Variants in NSMCE2 observed in about 807,000 individuals in gnomAD.
NSMCE2 encodes the protein E3 SUMO-protein ligase NSE2.
Under a neutral mutation model 23.8 loss-of-function variants are expected in NSMCE2, and 24 were observed. The observed-to-expected ratio is 1.01, with a 90% CI of 0.73 to 1.42. The LOEUF (loss-of-function observed/expected upper bound fraction) is 1.42, where lower values mean the gene tolerates loss of function less well. Among genes scored for constraint, NSMCE2 ranks in the 40% most tolerant of loss-of-function variants. The pLI, the probability that NSMCE2 is intolerant of heterozygous loss-of-function variation, is 0.00. For synonymous variants in NSMCE2, 92 were observed against 94.1 expected (o/e 0.98, Z 0.13); for missense variants, 284 against 296.5 (o/e 0.96, Z 0.31).
chr8:125,097,942 G>T (rs1310816055), intron 1 of NSMCE2, among the ~76,000 whole-genome samples: 2 of 152,066 alleles, frequency 1.3e-5, no homozygotes, highest in Non-Finnish European at 2.9e-5. Context: ...AACCCTTCCT[G>T]CTTTTTTCTG....
chr8:125,219,436 G>C (rs937699855), intron 5 of NSMCE2, among the ~76,000 whole-genome samples: 1 of 152,172 alleles, frequency 6.6e-6, no homozygotes, highest in Non-Finnish European at 1.5e-5. Flanking sequence ...AATAGCTTAA[G>C]TGTGATTCAC....
At chr8:125,277,140 G>A (rs1827480485) in intron 5 of NSMCE2, among the ~76,000 whole-genome samples, 1 of 152,308 alleles carries the variant, frequency 6.6e-6, no homozygotes, top group East Asian at 1.9e-4. Flanking sequence ...TCCTCTGCCA[G>A]TAACACACAA....
intron 5 of NSMCE2, among the ~76,000 whole-genome samples, chr8:125,330,801 C>T (rs1330015196): frequency 6.6e-6 from 1 of 152,152 alleles, no homozygotes; most frequent in Non-Finnish European, 1.5e-5. Flanking sequence ...CCCACAAGCA[C>T]GTGGCCTGGA....
chr8:125,338,006 G>C (rs903861085), intron 5 of NSMCE2, among the ~76,000 whole-genome samples: 3 of 151,854 alleles, frequency 2.0e-5, no homozygotes, highest in African/African-American at 7.3e-5. Flanking sequence ...ATAAAATGTT[G>C]ATAATGATTG....
At chr8:125,316,682 CTTAT>C (rs1829202841) in intron 5 of NSMCE2, among the ~76,000 whole-genome samples, 1 of 136,576 alleles carries the variant, frequency 7.3e-6, no homozygotes, top group Admixed American at 7.9e-5. Flanking sequence ...TTCCTTCCTT[CTTAT>C]CTTCCTTCTT....
At chr8:125,275,032 AAT>A (rs1827394273) in intron 5 of NSMCE2, among the ~76,000 whole-genome samples, 1 of 124,250 alleles carries the variant, frequency 8.0e-6, no homozygotes, top group South Asian at 2.5e-4. Context: ...TAATAATAAT[AAT>A]AAATAGAATA....
At chr8:125,232,461 G>A (rs1242697169) in intron 5 of NSMCE2, among the ~76,000 whole-genome samples, 3 of 152,108 alleles carry the variant, frequency 2.0e-5, no homozygotes, top group African/African-American at 7.2e-5. Context: ...GAGCAAATAA[G>A]CTTCAGGTGC....
intron 3 of NSMCE2, among the ~76,000 whole-genome samples, chr8:125,129,125 C>T (rs889332377): frequency 1.3e-5 from 2 of 152,222 alleles, no homozygotes; most frequent in South Asian, 4.1e-4. Flanking sequence ...AAAGCCTATA[C>T]ATGAAAATTG....
chr8:125,319,056 C>T (rs1024509201), intron 5 of NSMCE2, among the ~76,000 whole-genome samples: 1 of 152,132 alleles, frequency 6.6e-6, no homozygotes, highest in Admixed American at 6.5e-5. Context: ...GCCTGGAACT[C>T]ACACAGGGAT....
At chr8:125,146,030 G>T (rs549389981) in intron 3 of NSMCE2, among the ~76,000 whole-genome samples, 2 of 152,190 alleles carry the variant, frequency 1.3e-5, no homozygotes, top group East Asian at 3.9e-4. Context: ...TTTTCTTTTT[G>T]TTATCAGATT....
At chr8:125,187,393 A>G (rs1276470997) in intron 5 of NSMCE2, among the ~76,000 whole-genome samples, 3 of 152,236 alleles carry the variant, frequency 2.0e-5, no homozygotes, top group Non-Finnish European at 4.4e-5. Context: ...ATGAAACAAT[A>G]TGATTCGGTT....
chr8:125,283,376 C>T (rs542576551), intron 5 of NSMCE2, among the ~76,000 whole-genome samples: 335 of 152,136 alleles, frequency 2.2e-3, no homozygotes, highest in African/African-American at 7.7e-3. Context: ...GACGAAACCC[C>T]GCATATACAA....
chr8:125,127,563 C>G (rs532573964), intron 3 of NSMCE2, among the ~76,000 whole-genome samples: 15 of 152,210 alleles, frequency 9.9e-5, no homozygotes, highest in African/African-American at 3.4e-4. Context: ...ATGGAAGATG[C>G]AGTTTTTGTT....
intron 4 of NSMCE2, among the ~76,000 whole-genome samples, chr8:125,171,147 C>T (rs932112825): frequency 2.0e-5 from 3 of 152,174 alleles, no homozygotes; most frequent in African/African-American, 7.2e-5. Flanking sequence ...GACCGTCCAT[C>T]ACAGAAGAGC....
chr8:125,195,553 A>G (rs1455858835), intron 5 of NSMCE2, among the ~76,000 whole-genome samples: 2 of 152,168 alleles, frequency 1.3e-5, no homozygotes, highest in East Asian at 1.9e-4. Flanking sequence ...TCATTTACCC[A>G]TATCTCAGAG....
At chr8:125,160,714 C>T (rs746584602) in intron 4 of NSMCE2, among the ~76,000 whole-genome samples, 3 of 152,164 alleles carry the variant, frequency 2.0e-5, no homozygotes, top group African/African-American at 7.2e-5. Flanking sequence ...AACAAGTAAA[C>T]ATTCACAGTT....
intron 3 of NSMCE2, among the ~76,000 whole-genome samples, chr8:125,105,997 G>T (rs1166334121): frequency 1.3e-5 from 2 of 151,722 alleles, no homozygotes; most frequent in Non-Finnish European, 2.9e-5. Flanking sequence ...CAGGAGCCTG[G>T]ACTTCTTATG....
At chr8:125,199,451 C>T (rs1325928343) in intron 5 of NSMCE2, among the ~76,000 whole-genome samples, 2 of 152,152 alleles carry the variant, frequency 1.3e-5, no homozygotes, top group African/African-American at 4.8e-5. Flanking sequence ...AGTAGTCATT[C>T]AGGAGCAAGT....
At chr8:125,190,995 C>T (rs560974832) in intron 5 of NSMCE2, among the ~76,000 whole-genome samples, 12 of 152,150 alleles carry the variant, frequency 7.9e-5, no homozygotes, top group Non-Finnish European at 1.3e-4. Flanking sequence ...CTCAGCCTCC[C>T]GAGTAGCTGG....
Sources: gnomAD v4.1 joint callset for allele counts (sites outside exome capture counted in the v4.1 genomes callset) on GRCh38, gnomAD v4.1.1 for gene constraint, MANE v1.5 for transcripts, NCBI Gene and HGNC (gene_info 2026-07-23, HGNC 2026-07-21) for gene names.